Variants in POMT2 observed in about 807,000 individuals in gnomAD.
POMT2 encodes the protein protein O-mannosyltransferase 2.
In POMT2, 75 loss-of-function variants were observed where a neutral mutation model predicts 100.0. The ratio of observed to expected loss-of-function variants is 0.75; its 90% confidence interval spans 0.62 to 0.91. The LOEUF is 0.91. Ranked by LOEUF, POMT2 falls within the 40% of genes least tolerant of loss-of-function variation. POMT2 has a pLI of 0.00. For synonymous variants in POMT2, 378 were observed against 374.1 expected (o/e 1.01, Z -0.12); for missense variants, 940 against 955.1 (o/e 0.98, Z 0.21).
chr14:77,320,758 G>C lies in POMT2; in HGVS notation c.-77C>G. On this transcript the variant is annotated 5_prime_UTR_variant, in exon 1 of 21. Transcript: ENST00000261534. ...CAGCCGCCCCGCCAAGGAGTCACAA[G>C]AGGGCAGCTCGGGGTACCCCGGGAA... 1.3e-6 allele frequency: 2 copies of C among 1,542,460 alleles called. No homozygotes were observed. Among genetic ancestry groups the C allele is most frequent in the African/African-American group, 1.4e-5 (1 of 72,012 alleles).
Position 77,276,320 on chromosome 14 carries a change from G to C in POMT2, c.*1056C>G, listed in dbSNP as rs545673140. 2 of 152,844 alleles carry C rather than the reference G, an allele frequency of 1.3e-5. No individual in the cohort carries two copies. Among genetic ancestry groups the C allele is most frequent in the South Asian group, 4.1e-4 (2 of 4,834 alleles). The allele number at this position is 152,844 out of a possible 1,614,324, so 9.5% of individuals were successfully genotyped here. On this transcript the variant is annotated 3_prime_UTR_variant, in exon 21 of 21. Coordinates refer to ENST00000261534, the MANE Select transcript of POMT2 (RefSeq NM_013382.7). Reference sequence around the variant, plus strand: ...ACAGAGAGAAAGGGAATTGCCCACGGAGTGAGGGAGGGGTGAGCAGAGGAG... The same window carrying C: ...ACAGAGAGAAAGGGAATTGCCCACGCAGTGAGGGAGGGGTGAGCAGAGGAG...
At chr14:77,283,929 G>C in intron 14 of POMT2, 56 bp from the exon 15 acceptor site, 2 of 1,395,152 alleles carry the variant, frequency 1.4e-6, no homozygotes, top group Non-Finnish European at 2.0e-6. Flanking sequence ...TCCTCAGTCT[G>C]TCCATGGTGT....
In POMT2 at chr14:77,294,693, G is replaced by A. The variant is rs144679282; in HGVS notation, c.1116+1471C>T. Among the ~76,000 whole-genome samples the A allele has an allele frequency of 2.3e-3, 347 of 152,290 alleles. 8 individuals carry two copies. The East Asian group carries it at 0.05, about 22-fold the overall frequency. ...CCGCCATCCACATAAAATGTGACTT[G>A]CTCCTCCTTGCCTTCCACCGGGGTT... On this transcript the variant is annotated intron_variant, in intron 9 of 20. Coordinates refer to ENST00000261534, the MANE Select transcript of POMT2 (RefSeq NM_013382.7).
intron 1 of POMT2, among the ~76,000 whole-genome samples, chr14:77,315,475 G>A (rs761187858): frequency 1.3e-4 from 20 of 152,310 alleles, no homozygotes; most frequent in Non-Finnish European, 2.8e-4. Context: ...TTTGAGCCAC[G>A]CTCCCTGTAG....
chr14:77,285,979 A>G (rs1240043228), intron 12 of POMT2, among the ~76,000 whole-genome samples: 3 of 152,230 alleles, frequency 2.0e-5, no homozygotes, highest in Non-Finnish European at 2.9e-5. Context: ...ACAGAAACAG[A>G]TCTGGGCCAT....
At chr14:77,280,728 G>A (rs1003399498) in intron 15 of POMT2, among the ~76,000 whole-genome samples, 3 of 140,690 alleles carry the variant, frequency 2.1e-5, no homozygotes, top group African/African-American at 8.0e-5. Flanking sequence ...TGTTCCAATG[G>A]GCACAAAATA....
chr14:77,313,928 G>T (rs905693495), intron 1 of POMT2, among the ~76,000 whole-genome samples: 2 of 152,050 alleles, frequency 1.3e-5, no homozygotes, highest in Admixed American at 1.3e-4. Context: ...GGCTGGTCTC[G>T]AAACTCCAAA....
Position 77,285,040 on chromosome 14 carries a change from C to T in POMT2, c.1486G>A (p.Gly496Ser). 2 of 1,609,240 alleles carry T rather than the reference C, an allele frequency of 1.2e-6. No individual in the cohort carries two copies. Among genetic ancestry groups the T allele is most frequent in the Non-Finnish European group, 8.5e-7 (1 of 1,175,634 alleles). Reference protein sequence around the residue: ...GSSGKVLPKWGWEQLEVTCTP... With the variant: ...GSSGKVLPKWSWEQLEVTCTP... ...CAAGTAACTTCCAACTGCTCCCAGC[C>T]CCTGTGAAAAGCAGAAGTCACAGAT... Residue 496 changes from glycine to serine, a missense_variant and splice_region_variant, in exon 14 of 21, where the codon GGC becomes AGC. By Grantham distance (56) the Gly-to-Ser change is moderately conservative. Transcript: ENST00000261534.
intron 10 of POMT2, among the ~76,000 whole-genome samples, chr14:77,289,071 G>A (rs1235118174): frequency 6.6e-6 from 1 of 151,468 alleles, no homozygotes; most frequent in Non-Finnish European, 1.5e-5. Flanking sequence ...TGAACAAGCA[G>A]GAGAAAGGCA....
chr14:77,306,214 C>G (rs748521346), intron 3 of POMT2, 123 bp downstream of exon 3: 49 of 1,518,012 alleles, frequency 3.2e-5, no homozygotes, highest in Non-Finnish European at 4.2e-5. Flanking sequence ...ATCCTCCCCT[C>G]TCCTCACCAC....
chr14:77,278,328 A>G, intron 20 of POMT2, 66 bp downstream of exon 20: 1 of 1,265,268 alleles, frequency 7.9e-7, no homozygotes, highest in Non-Finnish European at 1.1e-6. Context: ...GGATTCTCGA[A>G]TGCATCAGGG....
intron 1 of POMT2, among the ~76,000 whole-genome samples, chr14:77,316,042 T>A (rs568990921): frequency 6.6e-6 from 1 of 152,110 alleles, no homozygotes; most frequent in Non-Finnish European, 1.5e-5. Flanking sequence ...AACAACTTTG[T>A]GGCTGCTGGA....
At chr14:77,277,521 G>C (rs753703527) in intron 20 of POMT2, 40 bp from the exon 21 acceptor site, 2 of 1,452,312 alleles carry the variant, frequency 1.4e-6, no homozygotes, top group South Asian at 1.1e-5. Flanking sequence ...GGCACCCCCA[G>C]TGCCTCAGCT....
At chr14:77,295,499 G>C (rs1890792602) in intron 9 of POMT2, among the ~76,000 whole-genome samples, 1 of 152,052 alleles carries the variant, frequency 6.6e-6, no homozygotes, top group African/African-American at 2.4e-5. Context: ...AGGCGTGGTG[G>C]CGGGTGCCTG....
chr14:77,301,973 C>T lies in POMT2; in HGVS notation c.657-724G>A, dbSNP rs558343186. Among the ~76,000 whole-genome samples the T allele has an allele frequency of 4.6e-5, 7 of 152,312 alleles. No individual in the cohort carries two copies. In the South Asian group the frequency reaches 1.5e-3, roughly 32 times the overall value. On this transcript the variant is annotated intron_variant, in intron 5 of 20. Transcript: ENST00000261534. Reference sequence around the variant, plus strand: ...AGCCAAGCCCAACAGAGCTCAGTACCTCCAGCTCCCCGCATAGTACCTGGT... The same window carrying T: ...AGCCAAGCCCAACAGAGCTCAGTACTTCCAGCTCCCCGCATAGTACCTGGT...
intron 6 of POMT2, 184 bp from the exon 7 acceptor site, chr14:77,299,745 C>T: frequency 3.4e-6 from 2 of 584,750 alleles, no homozygotes; most frequent in Non-Finnish European, 6.3e-6. Flanking sequence ...AAGCACTACA[C>T]AAGATAAACA....
intron 17 of POMT2, 42 bp from the exon 18 acceptor site, chr14:77,279,970 C>T: frequency 6.2e-7 from 1 of 1,614,170 alleles, no homozygotes; most frequent in Non-Finnish European, 8.5e-7. Context: ...CGCAGCCGCT[C>T]TCCACGGGCA....
rs200542239 is a variant in POMT2 at position 77,301,120 on chromosome 14, C to T, written c.786G>A (p.Trp262Ter). Reference sequence around the variant, plus strand: ...AAAGACTGAGGTCTCCGAACAGGTACCAAAGGTCTGCAATGGTGTTCAGCC... The same window carrying T: ...AAAGACTGAGGTCTCCGAACAGGTATCAAAGGTCTGCAATGGTGTTCAGCC... Reference protein sequence around the residue: ...QVGLNTIADLWYLFGDLSLSL... With the variant: ...QVGLNTIADL Residue 262 changes from tryptophan (W) to a stop codon, truncating the protein, a stop_gained, in exon 6 of 21, where the codon TGG becomes TGA. Transcript: ENST00000261534. LOFTEE classifies it high-confidence loss of function. 1.2e-6 allele frequency: 2 copies of T among 1,614,210 alleles called. No individual in the cohort carries two copies. The highest frequency in any genetic ancestry group is 1.7e-6 in the Non-Finnish European group (2 of 1,180,050).
chr14:77,289,683 A>C (rs1016482785), intron 10 of POMT2, among the ~76,000 whole-genome samples: 1 of 152,212 alleles, frequency 6.6e-6, no homozygotes, highest in African/African-American at 2.4e-5. Context: ...AAACCCTGAC[A>C]ATCTTGCCAG....
Sources: gnomAD v4.1 joint callset for allele counts (sites outside exome capture counted in the v4.1 genomes callset) on GRCh38, gnomAD v4.1.1 for gene constraint, MANE v1.5 for transcripts, NCBI Gene and HGNC (gene_info 2026-07-23, HGNC 2026-07-21) for gene names.